The following PDZRN4 variants were observed in gnomAD, a reference collection of about 807,000 sequenced individuals.
PDZRN4 encodes the protein PDZ domain containing ring finger 4, also known as PDZ domain-containing RING finger protein 4.
PDZRN4 carries 70 observed loss-of-function variants against 99.0 expected under a neutral mutation model. That is an observed-to-expected ratio of 0.71 (90% CI 0.58 to 0.86). The LOEUF is 0.86. Ranked by LOEUF, PDZRN4 falls within the 40% of genes least tolerant of loss-of-function variation. The probability of loss-of-function intolerance (pLI) is 0.00; values close to 1 mark genes in which losing one functional copy is unlikely to be tolerated. For synonymous variants in PDZRN4, 551 were observed against 501.6 expected (o/e 1.10, Z -1.32); for missense variants, 1,474 against 1,331.2 (o/e 1.11, Z -1.67).
At chr12:41,268,266 G>T (rs1368132631) in intron 3 of PDZRN4, among the ~76,000 whole-genome samples, 1 of 152,132 alleles carries the variant, frequency 6.6e-6, no homozygotes, top group Non-Finnish European at 1.5e-5. Flanking sequence ...TTAGCAAATT[G>T]CCAGTAATCA....
intron 3 of PDZRN4, among the ~76,000 whole-genome samples, chr12:41,431,001 G>A (rs1197008928): frequency 6.6e-6 from 1 of 152,106 alleles, no homozygotes; most frequent in African/African-American, 2.4e-5. Flanking sequence ...ATCTTGTGAG[G>A]ACCCTCTCAG....
chr12:41,560,718 T>A (rs1485580761), intron 7 of PDZRN4, among the ~76,000 whole-genome samples: 3 of 152,182 alleles, frequency 2.0e-5, no homozygotes, highest in African/African-American at 7.2e-5. Flanking sequence ...CCTGTAACTG[T>A]AAACCATTAT....
chr12:41,466,528 C>T (rs1952927280), intron 3 of PDZRN4, among the ~76,000 whole-genome samples: 1 of 152,136 alleles, frequency 6.6e-6, no homozygotes, highest in Non-Finnish European at 1.5e-5. Flanking sequence ...CGTTAGATGA[C>T]CCTTTCTCAA....
intron 3 of PDZRN4, among the ~76,000 whole-genome samples, chr12:41,283,708 T>G (rs958535731): frequency 6.6e-6 from 1 of 151,998 alleles, no homozygotes; most frequent in South Asian, 2.1e-4. Flanking sequence ...GTTCAACATA[T>G]GCAAATCAAT....
chr12:41,347,430 A>G (rs1951861318), intron 3 of PDZRN4, among the ~76,000 whole-genome samples: 1 of 151,976 alleles, frequency 6.6e-6, no homozygotes, highest in African/African-American at 2.4e-5. Context: ...CTTATTTGCT[A>G]TTTGCATATC....
At chr12:41,403,998 G>A (rs1003102208) in intron 3 of PDZRN4, among the ~76,000 whole-genome samples, 1 of 152,066 alleles carries the variant, frequency 6.6e-6, no homozygotes, top group African/African-American at 2.4e-5. Flanking sequence ...AAAACGTGCT[G>A]ATGCTGAAGT....
rs1481764415 is a variant in PDZRN4 at position 41,567,806 on chromosome 12, T to G, written c.1491T>G (p.Asp497Glu). The change falls in exon 9 of 10, where the codon GAT becomes GAG. Residue 497 changes from aspartate (D) to glutamate (E), a missense_variant. Coordinates refer to ENST00000402685, the MANE Select transcript of PDZRN4 (RefSeq NM_001164595.2). ...EIQLDEGWLE[D>E]ERNEFLEELN... ...AGCTGGATGAAGGCTGGCTGGAAGA[T>G]GAAAGGAATGAATTCTTAGAGGAGT... is the stretch of plus-strand genomic sequence containing the variant. The G allele has an allele frequency of 1.2e-5, 19 of 1,612,750 alleles. No homozygotes were observed. The highest frequency in any genetic ancestry group is 1.6e-5 in the Non-Finnish European group (19 of 1,179,078).
At chr12:41,315,520 T>C (rs1160982444) in intron 3 of PDZRN4, among the ~76,000 whole-genome samples, 1 of 152,148 alleles carries the variant, frequency 6.6e-6, no homozygotes, top group Non-Finnish European at 1.5e-5. Flanking sequence ...TCCAATATTA[T>C]TTGTTACCAT....
intron 3 of PDZRN4, among the ~76,000 whole-genome samples, chr12:41,334,177 A>G (rs1951757711): frequency 6.6e-6 from 1 of 152,036 alleles, no homozygotes; most frequent in African/African-American, 2.4e-5. Flanking sequence ...CTCCTATAAC[A>G]AGGTCTTTGC....
chr12:41,342,616 A>G (rs373341668), intron 3 of PDZRN4, among the ~76,000 whole-genome samples: 1 of 152,034 alleles, frequency 6.6e-6, no homozygotes, highest in East Asian at 1.9e-4. Context: ...AAAATGTTCA[A>G]CATAACTAAT....
At chr12:41,231,645 A>G (rs1404977243) in intron 3 of PDZRN4, among the ~76,000 whole-genome samples, 2 of 152,030 alleles carry the variant, frequency 1.3e-5, no homozygotes, top group African/African-American at 2.4e-5. Flanking sequence ...AGTTTCATTT[A>G]TTTTTACTAA....
At chr12:41,208,579 C>A (rs1950866055) in intron 3 of PDZRN4, among the ~76,000 whole-genome samples, 1 of 151,930 alleles carries the variant, frequency 6.6e-6, no homozygotes, top group Non-Finnish European at 1.5e-5. Context: ...ATTTGCTTAT[C>A]ATCTCTACTA....
chr12:41,319,238 T>C (rs1049774402), intron 3 of PDZRN4, among the ~76,000 whole-genome samples: 3 of 152,272 alleles, frequency 2.0e-5, no homozygotes, highest in South Asian at 2.1e-4. Flanking sequence ...GGTTTATTCA[T>C]GTTCTGTTGC....
chr12:41,354,298 T>G (rs1442596670), intron 3 of PDZRN4, among the ~76,000 whole-genome samples: 2 of 152,096 alleles, frequency 1.3e-5, no homozygotes, highest in African/African-American at 2.4e-5. Flanking sequence ...CTGACATGCC[T>G]GAGGGCTAAC....
At position 41,573,537 on chromosome 12, in the gene PDZRN4, G is replaced by A; in HGVS notation, c.2758G>A (p.Glu920Lys). 1 of 1,614,042 alleles carries A rather than the reference G, an allele frequency of 6.2e-7. No individual in the cohort carries two copies. The highest frequency in any genetic ancestry group is 1.1e-5 in the South Asian group (1 of 91,080). ...ILKERALKIK[E>K]ERSGMTTDDD... ...GAAGGAACGTGCCTTAAAGATCAAG[G>A]AAGAGCGGAGTGGCATGACCACAGA... is the stretch of plus-strand genomic sequence containing the variant. The change falls in exon 10 of 10, where the codon GAA becomes AAA. Residue 920 changes from glutamate (E) to lysine (K), a missense_variant. Transcript: ENST00000402685.
chr12:41,539,922 T>C (rs151057562), intron 5 of PDZRN4, among the ~76,000 whole-genome samples: 166 of 152,290 alleles, frequency 1.1e-3, no homozygotes, highest in African/African-American at 3.9e-3. Flanking sequence ...GGTCTACTAA[T>C]TGGTTTTAAT....
intron 5 of PDZRN4, 45 bp from the exon 6 acceptor site, chr12:41,552,610 AT>A: frequency 6.9e-7 from 1 of 1,457,906 alleles, no homozygotes; most frequent in Non-Finnish European, 9.6e-7. Flanking sequence ...TCTGTTGCAG[AT>A]TTTCTCTCTG....
intron 3 of PDZRN4, among the ~76,000 whole-genome samples, chr12:41,327,797 T>C (rs1317024158): frequency 6.6e-6 from 1 of 152,138 alleles, no homozygotes. Flanking sequence ...TATGTTGGTA[T>C]ATGTATGTGT....
intron 5 of PDZRN4, among the ~76,000 whole-genome samples, chr12:41,533,005 C>G (rs1350636524): frequency 3.3e-5 from 5 of 152,046 alleles, no homozygotes; most frequent in African/African-American, 1.2e-4. Flanking sequence ...TTCAAATCAT[C>G]TACATGCTAA....
Sources: allele counts gnomAD v4.1 joint callset (sites outside exome capture counted in the v4.1 genomes callset), GRCh38; gene constraint gnomAD v4.1.1; transcripts MANE v1.5; gene names NCBI Gene and HGNC (gene_info 2026-07-23, HGNC 2026-07-21).